Variants in CASP5 observed in about 807,000 individuals in gnomAD.
CASP5 encodes caspase 5, also known as caspase-5.
Under a neutral mutation model 45.2 loss-of-function variants are expected in CASP5, and 42 were observed. The observed-to-expected ratio is 0.93, with a 90% CI of 0.73 to 1.20. The LOEUF is 1.20. CASP5 is among the 50% of genes most tolerant of loss of function. The probability of loss-of-function intolerance (pLI) is 0.00; values close to 1 mark genes in which losing one functional copy is unlikely to be tolerated. For synonymous variants in CASP5, 209 were observed against 186.2 expected, an observed-to-expected ratio of 1.12 and a Z score of -1.00; for missense variants, 512 against 532.2, an observed-to-expected ratio of 0.96 and a Z score of 0.37.
intron 1 of CASP5, among the ~76,000 whole-genome samples, chr11:105,020,876 G>A (rs1485830099): frequency 6.6e-6 from 1 of 152,012 alleles, no homozygotes; most frequent in Non-Finnish European, 1.5e-5. Context: ...AAAGAACAAA[G>A]CTGGAGGCAT....
At chr11:105,004,493 A>G (rs1482379813) in intron 3 of CASP5, among the ~76,000 whole-genome samples, 1 of 152,176 alleles carries the variant, frequency 6.6e-6, no homozygotes, top group African/African-American at 2.4e-5. Context: ...ATTTAGTAAG[A>G]TCTAATAACA....
chr11:105,020,108 G>C (rs191510356), intron 1 of CASP5, among the ~76,000 whole-genome samples: 3,975 of 138,874 alleles, frequency 0.029, 444 homozygotes, highest in Non-Finnish European at 0.045. Flanking sequence ...ATTCAACAAC[G>C]CTTCATGCTA....
chr11:104,999,625 G>T (rs75197412), intron 6 of CASP5, among the ~76,000 whole-genome samples: 1,886 of 152,176 alleles, frequency 0.012, 42 homozygotes, highest in African/African-American at 0.043. Context: ...CACACATTTT[G>T]CTTTGTCTCT....
rs141361242 is a variant in CASP5 at position 104,995,788 on chromosome 11, G to A, written c.1261C>T (p.Arg421Ter). 1.3e-3 allele frequency: 2,109 copies of A among 1,612,250 alleles called. 6 individuals carry two copies. Among genetic ancestry groups the A allele is most frequent in the Middle Eastern group, 0.01 (63 of 6,052 alleles). Reference protein sequence around the residue: ...QAKAQMPTIERATLTRDFYLF... With the variant: ...QAKAQMPTIE ...TAGAAATCTCTTGTCAAGGTTGCTC[G>A]TTCTATGGTGGGCATCTGGGCTTTA... Residue 421 changes from arginine (R) to a stop codon, truncating the protein, a stop_gained, in exon 9 of 10, where the codon CGA becomes TGA. Coordinates refer to ENST00000260315, the MANE Select transcript of CASP5 (RefSeq NM_004347.5). LOFTEE classifies it high-confidence loss of function.
At chr11:105,004,168 G>C (rs1861890395) in intron 3 of CASP5, among the ~76,000 whole-genome samples, 1 of 152,160 alleles carries the variant, frequency 6.6e-6, no homozygotes, top group South Asian at 2.1e-4. Flanking sequence ...AAGAAAGGTT[G>C]TCTAGTGACA....
intron 1 of CASP5, among the ~76,000 whole-genome samples, chr11:105,020,417 C>G (rs1478735742): frequency 6.6e-6 from 1 of 150,604 alleles, no homozygotes; most frequent in East Asian, 1.9e-4. Context: ...CCCATTGTCT[C>G]AGCCCAAAAT....
intron 5 of CASP5, among the ~76,000 whole-genome samples, chr11:105,001,395 G>C (rs1019065468): frequency 6.6e-6 from 1 of 152,176 alleles, no homozygotes; most frequent in Non-Finnish European, 1.5e-5. Flanking sequence ...GGCCGGGTGC[G>C]GTGGCTCACG....
At chr11:105,003,585 C>T (rs1256415361) in intron 3 of CASP5, among the ~76,000 whole-genome samples, 1 of 151,808 alleles carries the variant, frequency 6.6e-6, no homozygotes, top group Admixed American at 6.6e-5. Flanking sequence ...CACAACCCCA[C>T]CAAGAAGAAG....
chr11:105,007,416 T>C (rs1270927427), intron 2 of CASP5, 82 bp from the exon 3 acceptor site: 18 of 1,285,410 alleles, frequency 1.4e-5, no homozygotes, highest in Non-Finnish European at 1.9e-5. Flanking sequence ...CTCTGTAATA[T>C]GAAACTCCTC....
At chr11:105,008,367 A>G (rs757838752) in intron 2 of CASP5, among the ~76,000 whole-genome samples, 9 of 152,036 alleles carry the variant, frequency 5.9e-5, no homozygotes, top group South Asian at 2.1e-4. Context: ...CTTGGGAGTT[A>G]TTGGCATGTT....
Position 105,007,147 on chromosome 11 carries a change from G to A in CASP5, c.369C>T (p.Arg123=), listed in dbSNP as rs768047078. ...LILVDSLRKN[R]VAHQMFTQTL... ...TTTGGGTAAACATTTGATGAGCCAC[G>A]CGATTCTTTCGCAAAGAGTCTACCA... Residue 123 remains arginine (R), a synonymous_variant, in exon 3 of 10, where the codon CGC becomes CGT. Transcript: ENST00000260315. The A allele has an allele frequency of 1.7e-5, 27 of 1,613,438 alleles. No homozygotes were observed. The highest frequency in any genetic ancestry group is 2.7e-5 in the African/African-American group (2 of 74,878).
chr11:105,019,961 A>G (rs1862858743), intron 1 of CASP5, among the ~76,000 whole-genome samples: 1 of 145,726 alleles, frequency 6.9e-6, no homozygotes, highest in Non-Finnish European at 1.5e-5. Flanking sequence ...ATCCACCATG[A>G]TCAAGGGGGC....
chr11:105,005,015 T>A (rs919653188), intron 3 of CASP5, among the ~76,000 whole-genome samples: 1 of 152,074 alleles, frequency 6.6e-6, no homozygotes, highest in African/African-American at 2.4e-5. Flanking sequence ...CTATCTTATA[T>A]CCAGTAGTAG....
chr11:105,019,456 A>C (rs1862823674), intron 1 of CASP5, among the ~76,000 whole-genome samples: 1 of 150,622 alleles, frequency 6.6e-6, no homozygotes. Flanking sequence ...AGACGCAATA[A>C]AAAATGATAA....
intron 1 of CASP5, among the ~76,000 whole-genome samples, chr11:105,013,057 G>T (rs58765843): frequency 0.022 from 3,361 of 152,012 alleles, 117 homozygotes; most frequent in African/African-American, 0.074. Flanking sequence ...GATGGAGAAA[G>T]TATCATAATG....
chr11:105,006,888 G>A (rs1862023155), intron 3 of CASP5, among the ~76,000 whole-genome samples, 195 bp downstream of exon 3: 1 of 152,156 alleles, frequency 6.6e-6, no homozygotes, highest in Admixed American at 6.5e-5. Flanking sequence ...CAAGGACACA[G>A]CTTTTTGGCT....
rs139000022 is a variant in CASP5, at chr11:105,001,069, C to A, written c.718-574G>T. Among the ~76,000 whole-genome samples the A allele has an allele frequency of 8.4e-3, 1,275 of 152,300 alleles. 20 individuals are homozygous for A. Among genetic ancestry groups the A allele is most frequent in the African/African-American group, 0.029 (1,195 of 41,562 alleles). ...GCCATTCCATTCCTTCCGGTAGTGCCGTCCAACTCCTGTGTTCTCTCCCCA... is the reference window on the plus strand; with the variant it reads ...GCCATTCCATTCCTTCCGGTAGTGCAGTCCAACTCCTGTGTTCTCTCCCCA... On this transcript the variant is annotated intron_variant, in intron 5 of 9. Transcript: ENST00000260315.
intron 5 of CASP5, among the ~76,000 whole-genome samples, chr11:105,001,072 C>A (rs528199072): frequency 1.3e-5 from 2 of 152,314 alleles, no homozygotes; most frequent in East Asian, 3.9e-4. Context: ...GTAGTGCCGT[C>A]CAACTCCTGT....
chr11:104,995,713 C>T, intron 9 of CASP5, 27 bp downstream of exon 9: 2 of 1,428,116 alleles, frequency 1.4e-6, no homozygotes, highest in Non-Finnish European at 2.0e-6. Flanking sequence ...TCATTTATTT[C>T]ACCCTCCAAC....
Sources: allele counts gnomAD v4.1 joint callset (sites outside exome capture counted in the v4.1 genomes callset), GRCh38; gene constraint gnomAD v4.1.1; transcripts MANE v1.5; gene names NCBI Gene and HGNC (gene_info 2026-07-23, HGNC 2026-07-21).